The following ZNF3 variants were observed in gnomAD, a reference collection of about 807,000 sequenced individuals.
ZNF3 encodes the protein C2-H2 type zinc finger protein.
A neutral mutation model predicts 36.9 loss-of-function variants in ZNF3; 16 were observed. The observed-to-expected ratio is 0.43, with a 90% CI of 0.29 to 0.66. The LOEUF (loss-of-function observed/expected upper bound fraction) is 0.66. Ranked by LOEUF, ZNF3 falls within the 30% of genes least tolerant of loss-of-function variation. ZNF3 has a pLI of 0.13. For synonymous variants in ZNF3, 201 were observed against 201.9 expected (o/e 1.00, Z 0.04); for missense variants, 462 against 543.1 (o/e 0.85, Z 1.48).
rs201245775 is a variant in ZNF3, at chr7:100,075,153, C to T, written c.253G>A (p.Gly85Arg). Residue 85 changes from glycine to arginine, a missense_variant, in exon 5 of 6, where the codon GGG becomes AGG. Physicochemically the swap from Gly to Arg is moderately radical, Grantham distance 125. Coordinates refer to ENST00000299667, the MANE Select transcript of ZNF3 (RefSeq NM_032924.5). ...LYRDVMLENY[G>R]NVFSLDRETR... ...TCCTTACCCAGTGAGAACACATTCC[C>T]GTAATTCTCCAGCATCACATCTCTA... The T allele has an allele frequency of 1.1e-4, 170 of 1,611,050 alleles. 1 individual carries two copies. The Middle Eastern group carries it at 1.8e-3, about 17-fold the overall frequency.
chr7:100,077,074 AAAAAC>A (rs909150017), intron 3 of ZNF3: 105 of 489,892 alleles, frequency 2.1e-4, no homozygotes, highest in African/African-American at 7.6e-4. Context: ...CCATCTCAAA[AAAAAC>A]AAAACAAAAC....
chr7:100,077,935 A>G (rs13236456), intron 2 of ZNF3: 89,428 of 151,414 alleles, frequency 0.59, 26,746 homozygotes, highest in East Asian at 0.86. Flanking sequence ...TCACCATGTC[A>G]GCCAGGCTGG....
intron 5 of ZNF3, among the ~76,000 whole-genome samples, chr7:100,072,543 A>G (rs1793361832): frequency 6.6e-6 from 1 of 152,186 alleles, no homozygotes; most frequent in Admixed American, 6.5e-5. Context: ...AAGCCTTTAG[A>G]GAGGTCAGGG....
intron 5 of ZNF3, 98 bp downstream of exon 5, chr7:100,075,037 T>A: frequency 1.4e-6 from 2 of 1,449,118 alleles, no homozygotes; most frequent in Non-Finnish European, 1.9e-6. Flanking sequence ...AAAAAAAAAA[T>A]CTGCTGAAAC....
chr7:100,075,614 A>G lies in ZNF3; in HGVS notation c.72T>C (p.Val24=). The G allele has an allele frequency of 6.2e-7, 1 of 1,614,092 alleles. No individual in the cohort carries two copies. The highest frequency in any genetic ancestry group is 8.5e-7 in the Non-Finnish European group (1 of 1,180,006). ...ALLDSALPSK[V]PAFSDKDSLG... ...GGCTGTCCTTGTCGGAAAAGGCAGG[A>G]ACTTTTGAAGGAAGAGCTGAAGGGC... Residue 24 remains valine (V), a synonymous_variant, in exon 4 of 6, where the codon GTT becomes GTC. Coordinates refer to ENST00000299667, the MANE Select transcript of ZNF3 (RefSeq NM_032924.5).
rs1792883045 is a variant in ZNF3, at chr7:100,070,068, G to C, written c.*1075C>G. Reference sequence around the variant, plus strand: ...ACAATGGAAGGTCATCCCGTCGGTTGGGAAAACTCGGGGAGTGCCATCCTC... The same window carrying C: ...ACAATGGAAGGTCATCCCGTCGGTTCGGAAAACTCGGGGAGTGCCATCCTC... On this transcript the variant is annotated 3_prime_UTR_variant, in exon 6 of 6. Transcript: ENST00000299667. The C allele has an allele frequency of 1.0e-6, 1 of 985,758 alleles. No homozygotes were observed. The highest frequency in any genetic ancestry group is 6.1e-5 in the Admixed American group (1 of 16,264). 61.1% of individuals were successfully genotyped at this position (985,758 alleles called of 1,614,324 possible).
downstream of ZNF3, chr7:100,063,979 G>A (rs562286669): frequency 1.9e-6 from 3 of 1,614,108 alleles, no homozygotes; most frequent in East Asian, 2.2e-5. Context: ...CTCCAAGAAA[G>A]GTAGAGAATC....
At chr7:100,069,325 C>G (rs1026638405), downstream of ZNF3, among the ~76,000 whole-genome samples, 5 of 151,954 alleles carry the variant, frequency 3.3e-5, no homozygotes, top group Admixed American at 2.6e-4. Context: ...AGGCTGAGGC[C>G]GGCAGATTGC....
At position 100,071,338 on chromosome 7, in the gene ZNF3, G is replaced by A; in HGVS notation, c.1146C>T (p.Gly382=). ...ECGGKFTYSS[G]LIQHQRIHTG... Reference sequence around the variant, plus strand: ...TGTGGATTCTTTGATGCTGAATAAGGCCTGAACTGTAGGTAAACTTTCCTC... The same window carrying A: ...TGTGGATTCTTTGATGCTGAATAAGACCTGAACTGTAGGTAAACTTTCCTC... The change falls in exon 6 of 6, where the codon GGC becomes GGT. Residue 382 remains glycine (G), a synonymous_variant. Transcript: ENST00000299667. 1 of 1,614,136 alleles carries A rather than the reference G, an allele frequency of 6.2e-7. No homozygotes were observed. The highest frequency in any genetic ancestry group is 1.1e-5 in the South Asian group (1 of 91,084).
intron 2 of ZNF3, chr7:100,078,714 C>A (rs1006854166): frequency 2.0e-5 from 3 of 151,962 alleles, no homozygotes; most frequent in African/African-American, 7.3e-5. Context: ...CAAAACAAAC[C>A]AACCAACCCT....
Position 100,077,142 on chromosome 7 carries a change from C to T in ZNF3, c.55+161G>A, listed in dbSNP as rs181943079. 1.1e-3 allele frequency: 851 copies of T among 741,246 alleles called. 1 individual carries two copies. The highest frequency in any genetic ancestry group is 4.0e-3 in the East Asian group (150 of 37,668). 45.9% of individuals were successfully genotyped at this position (741,246 alleles called of 1,614,324 possible). On this transcript the variant is annotated intron_variant, in intron 3 of 5. Transcript: ENST00000299667. ...TATCAAGCTGTCATTGATTACTGTT[C>T]GGTCAGCTTCCCCACTAGGCTGTGA...
In ZNF3 at chr7:100,072,156, C is replaced by T. The variant is rs368872743; in HGVS notation, c.328G>A (p.Gly110Arg). The T allele has an allele frequency of 6.2e-7, 1 of 1,607,330 alleles. No individual in the cohort carries two copies. The highest frequency in any genetic ancestry group is 1.3e-5 in the African/African-American group (1 of 74,346). ...TTTTGAAATCTTCCCAGTAGGACCC[C>T]ATGTGATCTTGTGTCTTCAGAAATT... ...QEISEDTRSH[G>R]VLLGRFQKDI... The change falls in exon 6 of 6, where the codon GGG (glycine) becomes AGG (arginine). Residue 110 changes from glycine to arginine, a missense_variant. Gly to Arg is a moderately radical substitution (Grantham distance 125, BLOSUM62 -2). Coordinates refer to ENST00000299667, the MANE Select transcript of ZNF3 (RefSeq NM_032924.5).
chr7:100,071,428 G>A lies in ZNF3; in HGVS notation c.1056C>T (p.Ser352=). 1 of 1,614,174 alleles carries A rather than the reference G, an allele frequency of 6.2e-7. No homozygotes were observed. Among genetic ancestry groups the A allele is most frequent in the Non-Finnish European group, 8.5e-7 (1 of 1,180,032 alleles). The change falls in exon 6 of 6, where the codon AGC becomes AGT. Residue 352 remains serine (S), a synonymous_variant. Coordinates refer to ENST00000299667, the MANE Select transcript of ZNF3 (RefSeq NM_032924.5). ...CNECGKAFSQ[S]SHLYQHQRIH... ...TTCTCTGGTGCTGATAGAGGTGTGA[G>A]CTCTGGCTGAAGGCTTTCCCACATT...
downstream of ZNF3, among the ~76,000 whole-genome samples, chr7:100,068,081 A>G (rs543042135): frequency 5.3e-5 from 8 of 152,150 alleles, no homozygotes; most frequent in East Asian, 1.2e-3. Context: ...CCATCAGGAC[A>G]TGGGCAGGTT....
At chr7:100,080,400 G>A (rs1295413788) in intron 1 of ZNF3, among the ~76,000 whole-genome samples, 4 of 152,144 alleles carry the variant, frequency 2.6e-5, no homozygotes, top group Admixed American at 6.5e-5. Context: ...AGGCTGAGGT[G>A]GGAGGATTAC....
At chr7:100,064,430 G>T (rs1309296445) in exon 6 of ZNF3, 1 of 1,614,070 alleles carries the variant, frequency 6.2e-7, no homozygotes, top group Admixed American at 1.7e-5. Context: ...CTCCACACCG[G>T]AGAGAAGCCA....
chr7:100,075,247 A>T lies in ZNF3; in HGVS notation c.159T>A (p.Phe53Leu). ...GGATGAAGTACACAGCTACATCCTC[A>T]AAGGTTACCAGCTCCTGAAACAACA... ...LKAKSQELVT[F>L]EDVAVYFIRK... Residue 53 changes from phenylalanine to leucine, a missense_variant, in exon 5 of 6, where the codon TTT becomes TTA. Coordinates refer to ENST00000299667, the MANE Select transcript of ZNF3 (RefSeq NM_032924.5). The T allele has an allele frequency of 6.2e-7, 1 of 1,614,172 alleles. No individual in the cohort carries two copies. Among genetic ancestry groups the T allele is most frequent in the Non-Finnish European group, 8.5e-7 (1 of 1,180,022 alleles).
At chr7:100,068,589 C>T (rs577397242), downstream of ZNF3, among the ~76,000 whole-genome samples, 1 of 150,744 alleles carries the variant, frequency 6.6e-6, no homozygotes, top group Non-Finnish European at 1.5e-5. Context: ...TGCAGTGAGC[C>T]GAGATTGGTC....
chr7:100,072,098 GCTT>G lies in ZNF3; in HGVS notation c.383_385del (p.Glu128del), dbSNP rs1172559604. On this transcript the variant is annotated inframe_deletion, in exon 6 of 6. Coordinates refer to ENST00000299667, the MANE Select transcript of ZNF3 (RefSeq NM_032924.5). ...TTTCAGACTGACTTCTCGTTCATAGGCTTCTTTAAACTTGAGACCCTGAGAAAT... is the reference window on the plus strand; with the variant it reads ...TTTCAGACTGACTTCTCGTTCATAGGCTTTAAACTTGAGACCCTGAGAAAT... 1.2e-6 allele frequency: 2 copies of G among 1,614,152 alleles called. No homozygotes were observed. Among genetic ancestry groups the G allele is most frequent in the South Asian group, 2.2e-5 (2 of 91,076 alleles).
Sources: gnomAD v4.1 joint callset for allele counts (sites outside exome capture counted in the v4.1 genomes callset) on GRCh38, gnomAD v4.1.1 for gene constraint, MANE v1.5 for transcripts, NCBI Gene and HGNC (gene_info 2026-07-23, HGNC 2026-07-21) for gene names.